The following MEGF6 variants were observed in gnomAD, a reference collection of about 807,000 sequenced individuals.
The protein encoded by MEGF6 is multiple epidermal growth factor-like domains protein 6.
MEGF6 carries 184 observed loss-of-function variants against 207.1 expected under a neutral mutation model. That is an observed-to-expected ratio of 0.89 (90% CI 0.79 to 1.00). The LOEUF (loss-of-function observed/expected upper bound fraction) is 1.00. MEGF6 is among the 50% of genes least tolerant of loss of function. The pLI, the probability that MEGF6 is intolerant of heterozygous loss-of-function variation, is 0.00. For synonymous variants in MEGF6, 1,038 were observed against 910.0 expected, an observed-to-expected ratio of 1.14 and a Z score of -2.53; for missense variants, 2,282 against 2,202.9, an observed-to-expected ratio of 1.04 and a Z score of -0.72.
chr1:3,520,743 C>CT (rs1193228339), intron 5 of MEGF6, among the ~76,000 whole-genome samples: 1 of 152,180 alleles, frequency 6.6e-6, no homozygotes, highest in Non-Finnish European at 1.5e-5. Context: ...GAGGGGAACC[C>CT]TTTTGGTGTC....
In MEGF6 at chr1:3,556,681, C is replaced by T. The variant is rs1643040661; in HGVS notation, c.481+23144G>A. 6.6e-6 allele frequency among the ~76,000 whole-genome samples: 1 copy of T among 152,184 alleles called. No individual in the cohort carries two copies. The highest frequency in any genetic ancestry group is 6.5e-5 in the Admixed American group (1 of 15,276). On this transcript the variant is annotated intron_variant, in intron 4 of 36. Coordinates refer to ENST00000356575, the MANE Select transcript of MEGF6 (RefSeq NM_001409.4). The surrounding 1 kb of genome is among the most constrained non-coding windows in gnomAD (Gnocchi z 4.4). ...AAGCAGACTGCAGGCAGCTTAAGAGCTCCATTGTGGACAAGGGGTGGCACG... is the reference window on the plus strand; with the variant it reads ...AAGCAGACTGCAGGCAGCTTAAGAGTTCCATTGTGGACAAGGGGTGGCACG...
intron 26 of MEGF6, 97 bp from the exon 27 acceptor site, chr1:3,497,458 C>CAG: frequency 2.2e-6 from 3 of 1,371,602 alleles, no homozygotes; most frequent in Non-Finnish European, 2.9e-6. Flanking sequence ...GTACGACCCA[C>CAG]CCAATGCTGG....
At chr1:3,602,390 T>C in intron 2 of MEGF6, 76 bp downstream of exon 2, 1 of 1,599,786 alleles carries the variant, frequency 6.3e-7, no homozygotes, top group South Asian at 1.1e-5. Flanking sequence ...TGGCCTCAGC[T>C]GCCCAGCTCC....
intron 4 of MEGF6, among the ~76,000 whole-genome samples, chr1:3,567,409 G>A (rs780577753): frequency 5.9e-5 from 9 of 152,242 alleles, no homozygotes; most frequent in Non-Finnish European, 1.0e-4. Flanking sequence ...CCCCAAAGCC[G>A]GGCTGTCAGT....
chr1:3,499,574 G>A lies in MEGF6; in HGVS notation c.2965+14C>T, dbSNP rs756326249. 10 of 1,569,616 alleles carry A rather than the reference G, an allele frequency of 6.4e-6. 1 individual carries two copies. The African/African-American group carries it at 6.7e-5, about 11-fold the overall frequency. Reference sequence around the variant, plus strand: ...CTCCTGCAGCACCCCGGGCTGAGCAGGGACCTCACGCACTCTCGGCACAGC... The same window carrying A: ...CTCCTGCAGCACCCCGGGCTGAGCAAGGACCTCACGCACTCTCGGCACAGC... On this transcript the variant is annotated intron_variant, in intron 23 of 36. Coordinates refer to ENST00000356575, the MANE Select transcript of MEGF6 (RefSeq NM_001409.4).
intron 1 of MEGF6, among the ~76,000 whole-genome samples, chr1:3,605,060 C>CCTCACA (rs986785318): frequency 1.1e-4 from 17 of 151,366 alleles, no homozygotes; most frequent in Admixed American, 8.5e-4. Flanking sequence ...AAACACACAC[C>CCTCACA]CTCACACTCA....
intron 21 of MEGF6, among the ~76,000 whole-genome samples, chr1:3,500,360 G>C (rs1640802802): frequency 6.6e-6 from 1 of 152,244 alleles, no homozygotes; most frequent in South Asian, 2.1e-4. Context: ...TGAGAGGGTG[G>C]GACCTTGGTC....
chr1:3,579,585 A>T (rs1643741428), intron 4 of MEGF6, among the ~76,000 whole-genome samples: 1 of 152,172 alleles, frequency 6.6e-6, no homozygotes, highest in Non-Finnish European at 1.5e-5. Context: ...CGCTGAGATG[A>T]TATGCTTCAG....
chr1:3,586,150 T>TGG (rs1248410089), intron 3 of MEGF6, among the ~76,000 whole-genome samples: 4 of 138,546 alleles, frequency 2.9e-5, no homozygotes, highest in Admixed American at 7.1e-5. Flanking sequence ...GTCCTGTGTG[T>TGG]GTGTGAGGAC....
At chr1:3,609,419 A>G (rs1644296021) in intron 1 of MEGF6, among the ~76,000 whole-genome samples, 1 of 152,212 alleles carries the variant, frequency 6.6e-6, no homozygotes, top group Admixed American at 6.5e-5. Context: ...AGGCCTGTGG[A>G]AGGCACGCCT....
Position 3,550,651 on chromosome 1 carries a change from G to GTGCCGGATCTGGCCCCA in MEGF6, c.482-26422_482-26406dup, listed in dbSNP as rs773814312. On this transcript the variant is annotated intron_variant, in intron 4 of 36. Transcript: ENST00000356575. Reference sequence around the variant, plus strand: ...CGTGCCCAGGCCTCCGGGGTGCTCCGTGCCGGATCTGGCCCCATGCCAGGG... The same window carrying GTGCCGGATCTGGCCCCA: ...CGTGCCCAGGCCTCCGGGGTGCTCCGTGCCGGATCTGGCCCCATGCCGGATCTGGCCCCATGCCAGGG... Among the ~76,000 whole-genome samples, 404 of 152,368 alleles carry GTGCCGGATCTGGCCCCA rather than the reference G, an allele frequency of 2.7e-3. 2 individuals carry two copies. The highest frequency in any genetic ancestry group is 0.014 in the Middle Eastern group (4 of 294).
At position 3,556,550 on chromosome 1, in the gene MEGF6, C is replaced by T. The variant is rs1395715559; in HGVS notation, c.481+23275G>A. Reference sequence around the variant, plus strand: ...GCTTCCCACTCCAGTGAGTCAGGAGCGGGTCACAGAGGCTGCAGCAGCGGA... The same window carrying T: ...GCTTCCCACTCCAGTGAGTCAGGAGTGGGTCACAGAGGCTGCAGCAGCGGA... On this transcript the variant is annotated intron_variant, in intron 4 of 36. Coordinates refer to ENST00000356575, the MANE Select transcript of MEGF6 (RefSeq NM_001409.4). The surrounding 1 kb of genome is among the most constrained non-coding windows in gnomAD (Gnocchi z 4.4). Among the ~76,000 whole-genome samples the T allele has an allele frequency of 1.3e-5, 2 of 152,092 alleles. No individual in the cohort carries two copies. The highest frequency in any genetic ancestry group is 1.3e-4 in the Admixed American group (2 of 15,274).
intron 4 of MEGF6, among the ~76,000 whole-genome samples, chr1:3,543,949 C>G (rs888545627): frequency 2.0e-5 from 3 of 152,232 alleles, no homozygotes; most frequent in African/African-American, 7.2e-5. Context: ...CGGCCGGCAG[C>G]CCCAGAGCAC....
intron 36 of MEGF6, 149 bp from the exon 37 acceptor site, chr1:3,490,738 T>C: frequency 1.8e-6 from 2 of 1,082,834 alleles, no homozygotes; most frequent in African/African-American, 1.6e-5. Flanking sequence ...CTTCCCAGCC[T>C]GTCCTTCCCA....
Position 3,495,969 on chromosome 1 carries a change from A to G in MEGF6, c.3792T>C (p.Cys1264=), listed in dbSNP as rs1435471578. The G allele has an allele frequency of 1.3e-6, 2 of 1,577,198 alleles. No individual in the cohort carries two copies. Among genetic ancestry groups the G allele is most frequent in the Non-Finnish European group, 1.7e-6 (2 of 1,169,112 alleles). The part of the protein sequence containing the change: ...FGPNCTHVCG[C]GQGAACDPVT... The stretch of plus-strand genomic sequence containing the variant: ...CAGGGTCGCAGGCCGCCCCCTGCCC[A>G]CACCCACACACGTGGGTGCAGTTGG... Residue 1264 remains cysteine, a synonymous_variant, in exon 30 of 37, where the codon TGT becomes TGC. Coordinates refer to ENST00000356575, the MANE Select transcript of MEGF6 (RefSeq NM_001409.4).
upstream of MEGF6, among the ~76,000 whole-genome samples, chr1:3,613,148 G>A (rs1200399897): frequency 6.6e-6 from 1 of 152,198 alleles, no homozygotes; most frequent in Non-Finnish European, 1.5e-5. Flanking sequence ...CGTTGCTGAT[G>A]CTCCAAACAC....
intron 4 of MEGF6, among the ~76,000 whole-genome samples, chr1:3,558,601 C>T (rs951353592): frequency 6.6e-6 from 1 of 152,200 alleles, no homozygotes; most frequent in African/African-American, 2.4e-5. Context: ...CAACTGGGAT[C>T]AGCTTAGGTT....
chr1:3,526,211 T>C (rs989190289), intron 4 of MEGF6, among the ~76,000 whole-genome samples: 2 of 152,112 alleles, frequency 1.3e-5, no homozygotes, highest in Non-Finnish European at 2.9e-5. Context: ...GAAGTGCCAG[T>C]AGTGCCCCGG....
intron 5 of MEGF6, among the ~76,000 whole-genome samples, chr1:3,523,763 G>A (rs766250404): frequency 1.2e-4 from 18 of 152,228 alleles, no homozygotes; most frequent in Non-Finnish European, 1.6e-4. Flanking sequence ...GGTCCCTGCT[G>A]ATAACCACGG....
Sources: gnomAD v4.1 joint callset for allele counts (sites outside exome capture counted in the v4.1 genomes callset) on GRCh38, gnomAD v4.1.1 for gene constraint, Gnocchi (gnomAD v3.1) non-coding constraint, MANE v1.5 for transcripts, NCBI Gene and HGNC (gene_info 2026-07-23, HGNC 2026-07-21) for gene names.